CADPS2: variants seen among roughly 807,000 people sequenced by gnomAD.
The protein encoded by CADPS2 is calcium-dependent secretion activator 2.
A neutral mutation model predicts 172.5 loss-of-function variants in CADPS2; 93 were observed. The observed-to-expected ratio is 0.54, with a 90% confidence interval of 0.46 to 0.64. CADPS2 has a LOEUF of 0.64. Ranked by LOEUF, CADPS2 falls within the 30% of genes least tolerant of loss-of-function variation. The pLI is 0.00. For missense variants in CADPS2, 1,420 were observed against 1,565.9 expected, an observed-to-expected ratio of 0.91 and a Z score of 1.57; for synonymous variants, 546 against 555.2, an observed-to-expected ratio of 0.98 and a Z score of 0.23.
chr7:122,511,642 C>T (rs1563553777), intron 9 of CADPS2, among the ~76,000 whole-genome samples: 1 of 152,190 alleles, frequency 6.6e-6, no homozygotes, highest in East Asian at 1.9e-4. Flanking sequence ...TTTATGCTAA[C>T]AACATTAGCC....
At chr7:122,543,921 T>C (rs1327780556) in intron 8 of CADPS2, among the ~76,000 whole-genome samples, 1 of 152,056 alleles carries the variant, frequency 6.6e-6, no homozygotes, top group Non-Finnish European at 1.5e-5. Context: ...AGGCAGTGGA[T>C]GGTAAAAGCC....
intron 26 of CADPS2, 33 bp from the exon 27 acceptor site, chr7:122,360,853 A>T (rs2040031931): frequency 6.3e-7 from 1 of 1,584,982 alleles, no homozygotes; most frequent in African/African-American, 1.3e-5. Context: ...AATCATGAGA[A>T]TTATTTTTTT....
chr7:122,451,582 T>A, intron 14 of CADPS2, 107 bp from the exon 15 acceptor site: 3 of 563,772 alleles, frequency 5.3e-6, no homozygotes, highest in Non-Finnish European at 8.8e-6. Context: ...ACTGTATACA[T>A]ATTAATTGTG....
chr7:122,880,309 G>T (rs952952464), intron 1 of CADPS2, among the ~76,000 whole-genome samples: 1 of 151,944 alleles, frequency 6.6e-6, no homozygotes, highest in Non-Finnish European at 1.5e-5. Context: ...ATGAATAAAA[G>T]ACAGTACTGT....
At chr7:122,562,089 T>A (rs2065850928) in intron 7 of CADPS2, among the ~76,000 whole-genome samples, 1 of 152,176 alleles carries the variant, frequency 6.6e-6, no homozygotes, top group Admixed American at 6.6e-5. Flanking sequence ...TACTTAACAG[T>A]CTCTCAAAAT....
intron 21 of CADPS2, 56 bp downstream of exon 21, chr7:122,393,385 C>T: frequency 6.2e-7 from 1 of 1,613,140 alleles, no homozygotes. Flanking sequence ...TGTGTGAAGT[C>T]ATAAGGTCAG....
At chr7:122,625,225 T>C (rs1259649377) in intron 4 of CADPS2, among the ~76,000 whole-genome samples, 2 of 152,024 alleles carry the variant, frequency 1.3e-5, no homozygotes, top group East Asian at 3.9e-4. Context: ...TAATTTTGTA[T>C]TTTTAGTAGA....
chr7:122,559,537 C>T (rs951889437), intron 7 of CADPS2, among the ~76,000 whole-genome samples: 28 of 151,982 alleles, frequency 1.8e-4, no homozygotes, highest in Admixed American at 9.2e-4. Flanking sequence ...TTTGGGAAGC[C>T]GAGGCAGGTG....
intron 17 of CADPS2, among the ~76,000 whole-genome samples, chr7:122,430,363 T>A (rs1490249318): frequency 6.6e-6 from 1 of 152,180 alleles, no homozygotes; most frequent in Admixed American, 6.6e-5. Flanking sequence ...CAGGAAACAG[T>A]AGGAACTGTT....
At chr7:122,627,237 C>A (rs1399254993) in intron 4 of CADPS2, among the ~76,000 whole-genome samples, 1 of 152,220 alleles carries the variant, frequency 6.6e-6, no homozygotes, top group Non-Finnish European at 1.5e-5. Flanking sequence ...ATGATATCAT[C>A]TGCCCTTACA....
chr7:122,794,752 T>TAA (rs200069605), intron 1 of CADPS2, among the ~76,000 whole-genome samples: 165 of 135,306 alleles, frequency 1.2e-3, no homozygotes, highest in Middle Eastern at 4.0e-3. Flanking sequence ...GAAATCATTT[T>TAA]AAAAAAAAAA....
intron 1 of CADPS2, among the ~76,000 whole-genome samples, chr7:122,816,762 A>G (rs1350177103): frequency 3.3e-5 from 5 of 152,284 alleles, no homozygotes; most frequent in Admixed American, 6.5e-5. Flanking sequence ...AAGCCATCGC[A>G]TCCCCTGTGA....
intron 6 of CADPS2, among the ~76,000 whole-genome samples, chr7:122,607,023 C>A (rs7790115): frequency 0.19 from 28,297 of 150,022 alleles, 3,499 homozygotes; most frequent in Non-Finnish European, 0.28. Flanking sequence ...CATTTGCTAA[C>A]CAAGAGAGAA....
In CADPS2 at chr7:122,451,409, G is replaced by T; in HGVS notation, c.2253C>A (p.Leu751=). Residue 751 remains leucine (L), a synonymous_variant, in exon 15 of 30, where the codon CTC becomes CTA. Coordinates refer to ENST00000449022, the MANE Select transcript of CADPS2 (RefSeq NM_017954.11). Reference sequence around the variant, plus strand: ...TTATCTGATTTTCTAAAAGGGAAGAGAGTCTCTCTTTTATCTCCTCAAATC... The same window carrying T: ...TTATCTGATTTTCTAAAAGGGAAGATAGTCTCTCTTTTATCTCCTCAAATC... ...KERFEEIKER[L]SSLLENQISH... 2 of 1,570,106 alleles carry T rather than the reference G, an allele frequency of 1.3e-6. No individual in the cohort carries two copies. Among genetic ancestry groups the T allele is most frequent in the Non-Finnish European group, 1.7e-6 (2 of 1,155,316 alleles).
intron 13 of CADPS2, among the ~76,000 whole-genome samples, chr7:122,474,175 G>A (rs1404528756): frequency 6.6e-6 from 1 of 152,108 alleles, no homozygotes; most frequent in Non-Finnish European, 1.5e-5. Flanking sequence ...CACAGCAGTG[G>A]TCTTCAAGTG....
intron 7 of CADPS2, among the ~76,000 whole-genome samples, chr7:122,562,226 A>C (rs1467005056): frequency 6.6e-6 from 1 of 152,184 alleles, no homozygotes; most frequent in Admixed American, 6.6e-5. Flanking sequence ...AGGAGAATTA[A>C]GGTAGCAGGT....
intron 1 of CADPS2, among the ~76,000 whole-genome samples, chr7:122,768,512 C>A (rs2093619979): frequency 1.3e-5 from 2 of 152,022 alleles, no homozygotes. Flanking sequence ...TGTTACCTTG[C>A]CTACTGATCG....
At chr7:122,742,286 T>C (rs1421695559) in intron 1 of CADPS2, among the ~76,000 whole-genome samples, 2 of 151,752 alleles carry the variant, frequency 1.3e-5, no homozygotes, top group Non-Finnish European at 2.9e-5. Flanking sequence ...TCCCAGATAC[T>C]TGGGAGGCTG....
chr7:122,367,710 A>ATTTT (rs57790964), intron 25 of CADPS2, among the ~76,000 whole-genome samples: 4 of 60,146 alleles, frequency 6.7e-5, no homozygotes, highest in African/African-American at 2.2e-4. Context: ...TGCCCAGCTA[A>ATTTT]TTTTTTTTTT....
Sources: gnomAD v4.1 joint callset for allele counts (sites outside exome capture counted in the v4.1 genomes callset) on GRCh38, gnomAD v4.1.1 for gene constraint, MANE v1.5 for transcripts, NCBI Gene and HGNC (gene_info 2026-07-23, HGNC 2026-07-21) for gene names.